The following NIPBL variants were observed in gnomAD, a reference collection of about 807,000 sequenced individuals.
NIPBL encodes nipped-B-like protein.
A neutral mutation model predicts 321.8 loss-of-function variants in NIPBL; 19 were observed. The ratio of observed to expected loss-of-function variants is 0.06; its 90% CI spans 0.04 to 0.09. The LOEUF is 0.09. Ranked by LOEUF, NIPBL falls within the 10% of genes least tolerant of loss-of-function variation. NIPBL has a pLI of 1.00. For synonymous variants in NIPBL, 1,106 were observed against 1,114.1 expected (o/e 0.99, Z 0.14); for missense variants, 2,210 against 3,327.0 (o/e 0.66, Z 8.26).
intron 38 of NIPBL, among the ~76,000 whole-genome samples, chr5:37,046,729 A>G (rs1376918984): frequency 6.6e-6 from 1 of 152,228 alleles, no homozygotes; most frequent in Non-Finnish European, 1.5e-5. Flanking sequence ...GATTGATGTA[A>G]TAAAAACATG....
chr5:36,983,473 A>G (rs1263141568), intron 9 of NIPBL, among the ~76,000 whole-genome samples: 1 of 151,996 alleles, frequency 6.6e-6, no homozygotes, highest in Non-Finnish European at 1.5e-5. Flanking sequence ...CTCTAACAAT[A>G]AGGAGCCATT....
intron 10 of NIPBL, among the ~76,000 whole-genome samples, chr5:36,991,550 C>A (rs924400823): frequency 4.6e-5 from 7 of 151,980 alleles, no homozygotes; most frequent in African/African-American, 1.7e-4. Context: ...ATCCCTGCCC[C>A]CTACTTTTCT....
intron 17 of NIPBL, among the ~76,000 whole-genome samples, chr5:37,006,841 C>T (rs546842013): frequency 2.9e-4 from 44 of 151,994 alleles, no homozygotes; most frequent in East Asian, 1.2e-3. Flanking sequence ...TTTATCACTT[C>T]GCCCTAATTT....
intron 42 of NIPBL, among the ~76,000 whole-genome samples, chr5:37,053,927 G>A (rs1036824909): frequency 1.3e-4 from 20 of 152,176 alleles, no homozygotes; most frequent in African/African-American, 4.8e-4. Context: ...GCCAGGAGTG[G>A]TGACTCACGC....
At chr5:36,942,551 C>T (rs1358755043) in intron 1 of NIPBL, among the ~76,000 whole-genome samples, 1 of 151,248 alleles carries the variant, frequency 6.6e-6, no homozygotes. Context: ...ACCAGTCTGG[C>T]CAAGATGGTG....
At chr5:37,008,210 A>C (rs894175648) in intron 19 of NIPBL, 122 bp downstream of exon 19, 5 of 699,544 alleles carry the variant, frequency 7.1e-6, no homozygotes, top group Non-Finnish European at 1.3e-5. Context: ...TTTCAATCTA[A>C]GGACTATTTT....
At chr5:37,019,452 G>T (rs1183047160) in intron 25 of NIPBL, 52 bp downstream of exon 25, 6 of 1,400,818 alleles carry the variant, frequency 4.3e-6, no homozygotes, top group Middle Eastern at 1.8e-4. Context: ...TTTAAATTGG[G>T]TTTAAGAAAA....
chr5:36,958,076 T>G lies in NIPBL; in HGVS notation c.231-28T>G, dbSNP rs1020779678. The G allele has an allele frequency of 1.9e-6, 3 of 1,611,906 alleles. No individual in the cohort carries two copies. The African/African-American group carries it at 4.0e-5, about 22-fold the overall frequency. On this transcript the variant is annotated intron_variant, in intron 3 of 46. Coordinates refer to ENST00000282516, the MANE Select transcript of NIPBL (RefSeq NM_133433.4). The stretch of plus-strand genomic sequence containing the variant: ...TCTTAAGAATCAGTCACCATTTTAA[T>G]TTTTGATACTTATTTTCTCAATGCC...
intron 22 of NIPBL, 24 bp from the exon 23 acceptor site, chr5:37,016,014 T>C: frequency 6.2e-7 from 1 of 1,613,340 alleles, no homozygotes; most frequent in South Asian, 1.1e-5. Context: ...ATTGACATCC[T>C]TTTCATTATT....
chr5:36,912,935 G>GA (rs1420184475), intron 1 of NIPBL, among the ~76,000 whole-genome samples: 1 of 151,934 alleles, frequency 6.6e-6, no homozygotes, highest in Non-Finnish European at 1.5e-5. Flanking sequence ...ATCATGAGGG[G>GA]AAAAAAATCA....
At chr5:36,953,307 C>T (rs975085711) in intron 1 of NIPBL, among the ~76,000 whole-genome samples, 3 of 152,184 alleles carry the variant, frequency 2.0e-5, no homozygotes, top group Non-Finnish European at 2.9e-5. Context: ...AAGAAACAAA[C>T]TCTGGAACCA....
chr5:37,000,712 A>C, intron 12 of NIPBL, 105 bp from the exon 13 acceptor site: 2 of 1,276,800 alleles, frequency 1.6e-6, no homozygotes, highest in South Asian at 2.5e-5. Context: ...ATGTGCAGTG[A>C]TTATCGTTTA....
chr5:37,020,695 G>A (rs750446089), intron 26 of NIPBL, 22 bp downstream of exon 26: 1 of 1,606,044 alleles, frequency 6.2e-7, no homozygotes, highest in Non-Finnish European at 8.5e-7. Context: ...GGAGAAAACA[G>A]TTTACATTTA....
intron 1 of NIPBL, among the ~76,000 whole-genome samples, chr5:36,940,615 C>G (rs1258511839): frequency 6.6e-6 from 1 of 152,032 alleles, no homozygotes; most frequent in Non-Finnish European, 1.5e-5. Flanking sequence ...AGTTTAGTTA[C>G]CTTCTTTTTT....
At chr5:37,029,990 A>G (rs1035572292) in intron 32 of NIPBL, among the ~76,000 whole-genome samples, 2 of 152,220 alleles carry the variant, frequency 1.3e-5, no homozygotes, top group African/African-American at 4.8e-5. Flanking sequence ...CATGATTTCT[A>G]AAAGGCTCTA....
intron 42 of NIPBL, among the ~76,000 whole-genome samples, chr5:37,053,556 C>G (rs934009199): frequency 1.1e-4 from 16 of 152,168 alleles, no homozygotes; most frequent in African/African-American, 3.9e-4. Context: ...GCTTTTCTCT[C>G]TCTCTCAAAA....
rs750048518 is a variant in NIPBL, at chr5:36,958,137, A to G, written c.264A>G (p.Pro88=). ...AAGATAACCTTGGCAGTGATGACCC[A>G]GAAGGTGACATACCAGTCTTGTTGC... ...ELKDNLGSDD[P]EGDIPVLLQA... is the part of the protein sequence containing the mutation. The change falls in exon 4 of 47, where the codon CCA becomes CCG. Residue 88 remains proline, a synonymous_variant. Coordinates refer to ENST00000282516, the MANE Select transcript of NIPBL (RefSeq NM_133433.4). 6.8e-6 allele frequency: 11 copies of G among 1,614,102 alleles called. No homozygotes were observed. Among genetic ancestry groups the G allele is most frequent in the Non-Finnish European group, 9.3e-6 (11 of 1,179,968 alleles).
chr5:36,891,725 TGGA>T (rs1746347882), intron 1 of NIPBL, among the ~76,000 whole-genome samples: 1 of 152,146 alleles, frequency 6.6e-6, no homozygotes, highest in Non-Finnish European at 1.5e-5. Flanking sequence ...TATTTAGTAA[TGGA>T]GTATGTTTTA....
intron 1 of NIPBL, among the ~76,000 whole-genome samples, chr5:36,931,055 TAGTTTATAAAAC>T (rs1749738209): frequency 6.6e-6 from 1 of 152,214 alleles, no homozygotes; most frequent in Non-Finnish European, 1.5e-5. Context: ...AAATATTCTC[TAGTTTATAAAAC>T]AGTTTATAAA....
Sources: gnomAD v4.1 joint callset for allele counts (sites outside exome capture counted in the v4.1 genomes callset) on GRCh38, gnomAD v4.1.1 for gene constraint, MANE v1.5 for transcripts, NCBI Gene and HGNC (gene_info 2026-07-23, HGNC 2026-07-21) for gene names.